Variants in PTPRK observed in about 807,000 individuals in gnomAD.
PTPRK encodes protein tyrosine phosphatase receptor type K.
PTPRK carries 75 observed loss-of-function variants against 178.0 expected under a neutral mutation model. The ratio of observed to expected loss-of-function variants is 0.42; its 90% confidence interval spans 0.35 to 0.51. The LOEUF (loss-of-function observed/expected upper bound fraction) is 0.51, where lower values mean the gene tolerates loss of function less well. Among genes scored for constraint, PTPRK ranks in the 20% least tolerant of loss-of-function variants. PTPRK has a pLI of 0.02. For missense variants in PTPRK, 1,441 were observed against 1,797.8 expected (o/e 0.80, Z 3.59); for synonymous variants, 637 against 620.6 (o/e 1.03, Z -0.39).
chr6:128,279,205 G>A (rs1346600757), intron 3 of PTPRK, among the ~76,000 whole-genome samples: 2 of 56,336 alleles, frequency 3.6e-5, no homozygotes, highest in Non-Finnish European at 8.0e-5. Context: ...TTCTACTGAG[G>A]TTAAATTAAA....
chr6:128,147,142 C>T (rs533006908), intron 7 of PTPRK, among the ~76,000 whole-genome samples: 56 of 152,008 alleles, frequency 3.7e-4, no homozygotes, highest in African/African-American at 1.3e-3. Context: ...TATTAGTTAC[C>T]ATATATAAAT....
intron 13 of PTPRK, among the ~76,000 whole-genome samples, chr6:128,048,117 G>A (rs1028797663): frequency 9.9e-5 from 15 of 152,156 alleles, no homozygotes; most frequent in African/African-American, 3.1e-4. Context: ...TGCCAAGATA[G>A]GATTACATCT....
intron 3 of PTPRK, among the ~76,000 whole-genome samples, chr6:128,281,992 A>T (rs1215765424): frequency 9.9e-5 from 15 of 152,192 alleles, no homozygotes; most frequent in Non-Finnish European, 2.2e-4. Context: ...TTGAGAGAAA[A>T]AAAAAGAAGG....
At chr6:128,135,958 C>T (rs987038994) in intron 7 of PTPRK, among the ~76,000 whole-genome samples, 3 of 152,144 alleles carry the variant, frequency 2.0e-5, no homozygotes, top group African/African-American at 7.2e-5. Flanking sequence ...CCCCAAAATT[C>T]GTACGTTGAA....
intron 1 of PTPRK, among the ~76,000 whole-genome samples, chr6:128,485,842 C>A (rs946093125): frequency 6.6e-6 from 1 of 152,084 alleles, no homozygotes; most frequent in Non-Finnish European, 1.5e-5. Context: ...TCTGATTCTA[C>A]GAAAAATAAT....
intron 1 of PTPRK, among the ~76,000 whole-genome samples, chr6:128,495,290 C>T (rs1854489415): frequency 6.6e-6 from 1 of 152,090 alleles, no homozygotes; most frequent in African/African-American, 2.4e-5. Context: ...ACATTTTAAA[C>T]AAATGCATAT....
At chr6:128,254,380 G>A (rs923444486) in intron 3 of PTPRK, among the ~76,000 whole-genome samples, 10 of 152,070 alleles carry the variant, frequency 6.6e-5, no homozygotes, top group South Asian at 4.1e-4. Context: ...AAATATTTAC[G>A]AAGAGATGTA....
chr6:128,074,987 TTAA>T (rs1298818936), intron 11 of PTPRK, among the ~76,000 whole-genome samples: 1 of 152,084 alleles, frequency 6.6e-6, no homozygotes, highest in Admixed American at 6.6e-5. Context: ...TATTTATCAC[TTAA>T]TAACCTCAAA....
intron 2 of PTPRK, among the ~76,000 whole-genome samples, chr6:128,394,420 ATT>A (rs1840014283): frequency 6.6e-6 from 1 of 152,176 alleles, no homozygotes; most frequent in South Asian, 2.1e-4. Context: ...GGTTGTACAG[ATT>A]TATGCTCCAA....
chr6:128,347,310 G>C (rs1832555756), intron 2 of PTPRK, among the ~76,000 whole-genome samples: 2 of 152,076 alleles, frequency 1.3e-5, no homozygotes, highest in African/African-American at 4.8e-5. Context: ...ATCCCTTTAT[G>C]ACCGTGAGAA....
chr6:128,186,508 C>T, intron 6 of PTPRK, among the ~76,000 whole-genome samples: 1 of 152,112 alleles, frequency 6.6e-6, no homozygotes. Flanking sequence ...CAAACTTTAA[C>T]TACAACATCC....
intron 6 of PTPRK, among the ~76,000 whole-genome samples, chr6:128,214,111 A>T (rs1808771337): frequency 6.6e-6 from 1 of 152,166 alleles, no homozygotes; most frequent in African/African-American, 2.4e-5. Flanking sequence ...CTAGGTGCTG[A>T]AGCAAACAAA....
At chr6:127,990,922 A>G (rs200734824) in intron 20 of PTPRK, 37 bp from the exon 21 acceptor site, 1 of 1,213,064 alleles carries the variant, frequency 8.2e-7, no homozygotes, top group East Asian at 2.3e-5. Context: ...AGACCTGAAT[A>G]TATAATACTA....
chr6:128,031,204 A>G (rs1582609602), intron 13 of PTPRK, among the ~76,000 whole-genome samples: 2 of 152,180 alleles, frequency 1.3e-5, no homozygotes, highest in African/African-American at 4.8e-5. Flanking sequence ...TTCTTGAAAA[A>G]TCACTCATTC....
At chr6:128,505,753 A>G (rs1259298704) in intron 1 of PTPRK, among the ~76,000 whole-genome samples, 1 of 152,232 alleles carries the variant, frequency 6.6e-6, no homozygotes, top group African/African-American at 2.4e-5. Context: ...AAAGAAATCT[A>G]AAGCTCGAGT....
intron 1 of PTPRK, among the ~76,000 whole-genome samples, chr6:128,457,282 G>A (rs1451210879): frequency 2.6e-5 from 4 of 151,980 alleles, no homozygotes; most frequent in African/African-American, 9.7e-5. Context: ...AAACAGGAAG[G>A]TTTACCATAT....
chr6:128,083,720 A>C lies in PTPRK; in HGVS notation c.1570T>G (p.Tyr524Asp). Residue 524 changes from tyrosine (Y) to aspartate (D), a missense_variant, in exon 9 of 30, where the codon TAT (tyrosine) becomes GAT (aspartate). This residue lies in a region of PTPRK where 945 missense variants were observed against 1,080.6 expected (regional missense o/e 0.87). Coordinates refer to ENST00000368226, the MANE Select transcript of PTPRK (RefSeq NM_002844.4). ...PLDPNGIITQ[Y>D]EISYSSIRSF... is the part of the protein sequence containing the mutation. ...CTTCCTTGTTCTCCCAATACCTCAT[A>C]TTGAGTGATGATTCCATTTGGATCC... 6.3e-7 allele frequency: 1 copy of C among 1,575,536 alleles called. No homozygotes were observed. The highest frequency in any genetic ancestry group is 8.7e-7 in the Non-Finnish European group (1 of 1,149,972).
chr6:128,310,745 G>A (rs964204383), intron 3 of PTPRK, among the ~76,000 whole-genome samples: 1 of 152,168 alleles, frequency 6.6e-6, no homozygotes, highest in African/African-American at 2.4e-5. Context: ...TAACTGGGCT[G>A]CATTAAAACC....
At chr6:128,470,747 CTCTTT>C (rs1850523374) in intron 1 of PTPRK, among the ~76,000 whole-genome samples, 2 of 127,906 alleles carry the variant, frequency 1.6e-5, no homozygotes, top group Admixed American at 7.9e-5. Context: ...CAATATCTCT[CTCTTT>C]TTTTTTTTTT....
Sources: allele counts gnomAD v4.1 joint callset (sites outside exome capture counted in the v4.1 genomes callset), GRCh38; gene constraint gnomAD v4.1.1; regional missense constraint gnomAD v4.1.1; transcripts MANE v1.5; gene names NCBI Gene and HGNC (gene_info 2026-07-23, HGNC 2026-07-21).